CBFA2T3: variants seen among roughly 807,000 people sequenced by gnomAD.
CBFA2T3 encodes CBFA2/RUNX1 partner transcriptional co-repressor 3.
Under a neutral mutation model 58.6 loss-of-function variants are expected in CBFA2T3, and 31 were observed. The ratio of observed to expected loss-of-function variants is 0.53; its 90% CI spans 0.40 to 0.71. The LOEUF is 0.71. CBFA2T3 is among the 30% of genes least tolerant of loss of function. The pLI is 0.00. For missense variants in CBFA2T3, 1,076 were observed against 963.1 expected, an observed-to-expected ratio of 1.12 and a Z score of -1.55; for synonymous variants, 531 against 421.9, an observed-to-expected ratio of 1.26 and a Z score of -3.17.
At chr16:88,879,166 C>G in intron 11 of CBFA2T3, 104 bp downstream of exon 11, 1 of 1,013,672 alleles carries the variant, frequency 9.9e-7, no homozygotes, top group Non-Finnish European at 1.5e-6. Flanking sequence ...CCCGTGACAA[C>G]TGTGCTGATG....
At chr16:88,882,618 G>A (rs1189654124) in intron 8 of CBFA2T3, 58 bp downstream of exon 8, 2 of 1,091,564 alleles carry the variant, frequency 1.8e-6, no homozygotes, top group Non-Finnish European at 2.7e-6. Flanking sequence ...GGCTGTGTGT[G>A]TGCGTGGCTG....
intron 1 of CBFA2T3, among the ~76,000 whole-genome samples, chr16:88,931,621 C>T (rs534127397): frequency 2.0e-5 from 3 of 148,960 alleles, no homozygotes; most frequent in South Asian, 4.2e-4. Context: ...GGGCCGGCCC[C>T]GTGGACGAGC....
chr16:88,924,701 T>C (rs1376570406), intron 1 of CBFA2T3, among the ~76,000 whole-genome samples: 1 of 152,182 alleles, frequency 6.6e-6, no homozygotes, highest in Non-Finnish European at 1.5e-5. Flanking sequence ...CAGCCTCTGC[T>C]GCCCAGATGC....
Position 88,877,141 on chromosome 16 carries a change from G to A in CBFA2T3, c.1797C>T (p.Pro599=). The change falls in exon 12 of 12, where the codon CCC becomes CCT. Residue 599 remains proline, a synonymous_variant. Transcript: ENST00000268679. The stretch of plus-strand genomic sequence containing the variant: ...GCACCGGGTCGGCCACCACGGCTGT[G>A]GGGCCCTGCAGGCTCTGGCCACACA... ...HHVCGQSLQG[P]TAVVADPVPG... 6.5e-7 allele frequency: 1 copy of A among 1,550,180 alleles called. No individual in the cohort carries two copies. Among genetic ancestry groups the A allele is most frequent in the Non-Finnish European group, 8.7e-7 (1 of 1,147,432 alleles).
chr16:88,963,230 G>T (rs1385315117), intron 1 of CBFA2T3, among the ~76,000 whole-genome samples: 1 of 99,670 alleles, frequency 1.0e-5, no homozygotes. Context: ...GGGACAGTGG[G>T]GGAAGGCCAG....
chr16:88,941,037 G>A, intron 1 of CBFA2T3: 1 of 985,698 alleles, frequency 1.0e-6, no homozygotes, highest in Non-Finnish European at 1.2e-6. Context: ...GGGTCCGGGG[G>A]ATCCGGCGGG....
At position 88,972,828 on chromosome 16, in the gene CBFA2T3, G is replaced by A. The variant is rs371332715; in HGVS notation, c.151+3829C>T. Among the ~76,000 whole-genome samples the A allele has an allele frequency of 9.8e-5, 15 of 152,364 alleles. No individual in the cohort carries two copies. The South Asian group carries it at 3.1e-3, about 32-fold the overall frequency. On this transcript the variant is annotated intron_variant, in intron 1 of 11. Transcript: ENST00000268679. ...AGGGGGGACAGGAGGCGGGAGGTGAGGTCTGAGGGTGCTGGGGACCTTGGG... is the reference window on the plus strand; with the variant it reads ...AGGGGGGACAGGAGGCGGGAGGTGAAGTCTGAGGGTGCTGGGGACCTTGGG...
intron 1 of CBFA2T3, among the ~76,000 whole-genome samples, chr16:88,907,406 C>T (rs1970374414): frequency 6.6e-6 from 1 of 152,218 alleles, no homozygotes; most frequent in Non-Finnish European, 1.5e-5. Context: ...AGTCCCTTCC[C>T]TATGGCCCTG....
At chr16:88,908,250 G>A (rs892496224) in intron 1 of CBFA2T3, among the ~76,000 whole-genome samples, 2 of 151,980 alleles carry the variant, frequency 1.3e-5, no homozygotes, top group African/African-American at 4.8e-5. Flanking sequence ...GCTGAGGCCG[G>A]AGAATTACTT....
intron 1 of CBFA2T3, chr16:88,950,572 A>C (rs1451136937): frequency 2.6e-6 from 1 of 388,230 alleles, no homozygotes; most frequent in Non-Finnish European, 5.0e-6. Context: ...GAGGGTCAGG[A>C]GTGTTGGCAC....
Position 88,920,899 on chromosome 16 carries a change from C to A in CBFA2T3, c.152-19243G>T, listed in dbSNP as rs536450008. ...CTCGCCAGGGGGCTACATTAAACAG[C>A]AGGGCCAAACTCACTGGGGAGGCAT... On this transcript the variant is annotated intron_variant, in intron 1 of 11. Coordinates refer to ENST00000268679, the MANE Select transcript of CBFA2T3 (RefSeq NM_005187.6). Among the ~76,000 whole-genome samples, 5 of 152,400 alleles carry A rather than the reference C, an allele frequency of 3.3e-5. No individual in the cohort carries two copies. In the East Asian group the frequency reaches 9.6e-4, roughly 29 times the overall value.
intron 1 of CBFA2T3, among the ~76,000 whole-genome samples, chr16:88,960,436 C>G (rs994338824): frequency 3.9e-5 from 6 of 152,196 alleles, no homozygotes; most frequent in Non-Finnish European, 8.8e-5. Flanking sequence ...TCGGGAGTGT[C>G]ACATTTGAAC....
At chr16:88,929,965 C>T (rs1451407691) in intron 1 of CBFA2T3, among the ~76,000 whole-genome samples, 3 of 147,772 alleles carry the variant, frequency 2.0e-5, no homozygotes, top group African/African-American at 7.9e-5. Context: ...GTAAAAGCTA[C>T]CAATACCCAG....
chr16:88,936,437 G>A (rs942218239), intron 1 of CBFA2T3, among the ~76,000 whole-genome samples: 15 of 152,036 alleles, frequency 9.9e-5, no homozygotes, highest in Non-Finnish European at 1.6e-4. Flanking sequence ...CTCAGGGGCA[G>A]CCGAGTATCC....
intron 1 of CBFA2T3, among the ~76,000 whole-genome samples, chr16:88,918,423 G>C (rs1324655662): frequency 6.6e-6 from 1 of 152,216 alleles, no homozygotes; most frequent in African/African-American, 2.4e-5. Flanking sequence ...GGGACCAGCT[G>C]CATCACAACG....
chr16:88,900,495 C>T (rs934764384), intron 2 of CBFA2T3, among the ~76,000 whole-genome samples: 34 of 152,210 alleles, frequency 2.2e-4, no homozygotes, highest in African/African-American at 7.5e-4. Context: ...ACAGTCGTGA[C>T]GTAAAGGGAC....
intron 1 of CBFA2T3, among the ~76,000 whole-genome samples, chr16:88,950,060 C>CGGCTT (rs1230856724): frequency 6.6e-6 from 1 of 152,104 alleles, no homozygotes; most frequent in Non-Finnish European, 1.5e-5. Flanking sequence ...CGAAGTCACA[C>CGGCTT]GGCTTCCCTG....
chr16:88,899,551 T>G (rs1056181864), intron 2 of CBFA2T3, among the ~76,000 whole-genome samples: 5 of 152,110 alleles, frequency 3.3e-5, no homozygotes, highest in Admixed American at 1.3e-4. Context: ...GCCCCAGGCA[T>G]GCCGGCTGCC....
chr16:88,890,959 G>A (rs939680165), intron 5 of CBFA2T3, among the ~76,000 whole-genome samples: 1 of 152,042 alleles, frequency 6.6e-6, no homozygotes, highest in African/African-American at 2.4e-5. Flanking sequence ...AGCAATCCCC[G>A]TTCCTCAGAC....
Sources: allele counts gnomAD v4.1 joint callset (sites outside exome capture counted in the v4.1 genomes callset), GRCh38; gene constraint gnomAD v4.1.1; transcripts MANE v1.5; gene names NCBI Gene and HGNC (gene_info 2026-07-23, HGNC 2026-07-21).